Variants in GRID2 observed in about 807,000 individuals in gnomAD.
GRID2 encodes the protein glutamate receptor ionotropic, delta-2.
In GRID2, 33 loss-of-function variants were observed where a neutral mutation model predicts 114.8. The observed-to-expected ratio is 0.29, with a 90% CI of 0.22 to 0.38. The LOEUF (loss-of-function observed/expected upper bound fraction) is 0.38, where lower values mean the gene tolerates loss of function less well. GRID2 is among the 10% of genes least tolerant of loss of function. The probability of loss-of-function intolerance (pLI) is 1.00; values close to 1 mark genes in which losing one functional copy is unlikely to be tolerated. For synonymous variants in GRID2, 505 were observed against 449.9 expected (o/e 1.12, Z -1.55); for missense variants, 1,184 against 1,257.7 (o/e 0.94, Z 0.89).
chr4:92,628,203 G>T (rs528578177), intron 2 of GRID2, among the ~76,000 whole-genome samples: 4 of 152,086 alleles, frequency 2.6e-5, no homozygotes, highest in African/African-American at 9.7e-5. Context: ...AGCAGGAGAA[G>T]GTGCCTGTTT....
rs571735466 is a variant in GRID2 at position 92,543,705 on chromosome 4, C to A, written c.89-46426C>A. Among the ~76,000 whole-genome samples the A allele has an allele frequency of 8.5e-5, 13 of 152,220 alleles. No individual in the cohort carries two copies. The South Asian group carries it at 1.2e-3, about 15-fold the overall frequency. ...GGTGAATTAGCACAAAAAAGTAATT[C>A]TTTCCCTAATATTTTTAGTGCAGGT... On this transcript the variant is annotated intron_variant, in intron 1 of 15. Coordinates refer to ENST00000282020, the MANE Select transcript of GRID2 (RefSeq NM_001510.4).
intron 4 of GRID2, among the ~76,000 whole-genome samples, chr4:93,197,281 A>T (rs547634093): frequency 3.3e-5 from 5 of 152,290 alleles, no homozygotes; most frequent in Admixed American, 6.5e-5. Flanking sequence ...TTTGTAGAAC[A>T]TATCTTTACT....
intron 14 of GRID2, among the ~76,000 whole-genome samples, chr4:93,714,342 G>A (rs535811388): frequency 3.1e-4 from 47 of 152,102 alleles, no homozygotes; most frequent in Non-Finnish European, 4.1e-4. Context: ...GTCTATCATC[G>A]ATGGACATTT....
chr4:92,632,690 A>G (rs538140633), intron 2 of GRID2, among the ~76,000 whole-genome samples: 6 of 150,510 alleles, frequency 4.0e-5, no homozygotes, highest in South Asian at 4.2e-4. Flanking sequence ...GGAAGGGAAG[A>G]AGTGAAGAAA....
rs1726321526 is a variant in GRID2 at position 92,321,648 on chromosome 4, A to G, written c.88+16904A>G. ...TGCTCCAATGGGAAGGAAGGGTCTC[A>G]GCATCTTTTTCTTGCTCCCAGGCAG... On this transcript the variant is annotated intron_variant, in intron 1 of 15. Coordinates refer to ENST00000282020, the MANE Select transcript of GRID2 (RefSeq NM_001510.4). Among the ~76,000 whole-genome samples the G allele has an allele frequency of 5.9e-5, 9 of 152,204 alleles. No individual in the cohort carries two copies. In the South Asian group the frequency reaches 1.9e-3, roughly 32 times the overall value.
intron 2 of GRID2, among the ~76,000 whole-genome samples, chr4:93,074,784 A>G (rs1391020436): frequency 4.6e-5 from 7 of 152,190 alleles, no homozygotes; most frequent in Admixed American, 2.6e-4. Flanking sequence ...CATATAAATT[A>G]TCAGTATCGT....
At chr4:93,544,826 G>A (rs1227784590) in intron 13 of GRID2, among the ~76,000 whole-genome samples, 6 of 151,320 alleles carry the variant, frequency 4.0e-5, no homozygotes. Context: ...AATAGATTAA[G>A]AAAGACTTAG....
chr4:92,316,060 G>A (rs1233378720), intron 1 of GRID2, among the ~76,000 whole-genome samples: 2 of 148,178 alleles, frequency 1.3e-5, no homozygotes, highest in East Asian at 4.0e-4. Flanking sequence ...CATTTAAAGC[G>A]AATTAAAATC....
chr4:92,479,730 C>A (rs1722489815), intron 1 of GRID2, among the ~76,000 whole-genome samples: 1 of 152,086 alleles, frequency 6.6e-6, no homozygotes, highest in Non-Finnish European at 1.5e-5. Context: ...TCAATAGGAA[C>A]AAACTACGTT....
Position 93,051,718 on chromosome 4 carries a change from T to A in GRID2, c.245-33277T>A, listed in dbSNP as rs144242688. 3.0e-3 allele frequency among the ~76,000 whole-genome samples: 461 copies of A among 152,126 alleles called. 3 individuals are homozygous for A. Among genetic ancestry groups the A allele is most frequent in the Non-Finnish European group, 4.5e-3 (304 of 67,950 alleles). On this transcript the variant is annotated intron_variant, in intron 2 of 15. Coordinates refer to ENST00000282020, the MANE Select transcript of GRID2 (RefSeq NM_001510.4). ...TGGGGTTGGGAAGAAGATCACTAAT[T>A]GATTGAAGTTAGCATATAGAAATAC... is the stretch of plus-strand genomic sequence containing the variant.
At chr4:93,779,384 C>T (rs1455196093), downstream of GRID2, among the ~76,000 whole-genome samples, 2 of 152,100 alleles carry the variant, frequency 1.3e-5, no homozygotes, top group Non-Finnish European at 2.9e-5. Flanking sequence ...TGTACCAAGG[C>T]AAGTGCCTGG....
intron 12 of GRID2, among the ~76,000 whole-genome samples, chr4:93,501,497 T>C (rs1337970305): frequency 6.6e-6 from 1 of 152,036 alleles, no homozygotes; most frequent in Non-Finnish European, 1.5e-5. Context: ...TTACTCTCTA[T>C]TGTTAGTGTT....
At chr4:92,841,797 T>A (rs918661736) in intron 2 of GRID2, among the ~76,000 whole-genome samples, 4 of 152,060 alleles carry the variant, frequency 2.6e-5, no homozygotes, top group African/African-American at 9.7e-5. Flanking sequence ...TAGCTTAATT[T>A]TTTTTTTCCT....
chr4:92,967,721 C>G (rs1753249792), intron 2 of GRID2, among the ~76,000 whole-genome samples: 1 of 151,792 alleles, frequency 6.6e-6, no homozygotes, highest in Non-Finnish European at 1.5e-5. Context: ...AGTTAATTAT[C>G]TTTGTTGAGT....
intron 2 of GRID2, among the ~76,000 whole-genome samples, chr4:92,720,176 T>C (rs971758403): frequency 2.0e-5 from 3 of 152,064 alleles, no homozygotes; most frequent in African/African-American, 7.2e-5. Flanking sequence ...TTCAGCATTT[T>C]TTTTAAGAAC....
intron 14 of GRID2, among the ~76,000 whole-genome samples, chr4:93,654,004 T>TAG (rs1015942324): frequency 1.4e-4 from 22 of 152,300 alleles, no homozygotes; most frequent in Middle Eastern, 3.4e-3. Context: ...TTTTCAACAA[T>TAG]AAAGATAGAT....
intron 2 of GRID2, among the ~76,000 whole-genome samples, chr4:92,843,571 A>G (rs1743072505): frequency 6.6e-6 from 1 of 152,150 alleles, no homozygotes; most frequent in African/African-American, 2.4e-5. Flanking sequence ...ATTTTTCAAA[A>G]TAAATACAAT....
chr4:93,337,324 C>T (rs1335790164), intron 8 of GRID2, among the ~76,000 whole-genome samples: 1 of 152,154 alleles, frequency 6.6e-6, no homozygotes, highest in Non-Finnish European at 1.5e-5. Flanking sequence ...AGATTCCTGT[C>T]TAAGGAAGTG....
In GRID2 at chr4:92,339,315, T is replaced by C. The variant is rs78316704; in HGVS notation, c.88+34571T>C. 7.0e-3 allele frequency among the ~76,000 whole-genome samples: 1,060 copies of C among 152,168 alleles called. 10 individuals carry two copies. Among genetic ancestry groups the C allele is most frequent in the Middle Eastern group, 0.045 (13 of 292 alleles). On this transcript the variant is annotated intron_variant, in intron 1 of 15. Coordinates refer to ENST00000282020, the MANE Select transcript of GRID2 (RefSeq NM_001510.4). ...TTTATATACAGAAATAAGGGGAAAA[T>C]ATTTTTAAAAAGAGGTTGAGAGAGC...
Sources: allele counts gnomAD v4.1 joint callset (sites outside exome capture counted in the v4.1 genomes callset), GRCh38; gene constraint gnomAD v4.1.1; transcripts MANE v1.5; gene names NCBI Gene and HGNC (gene_info 2026-07-23, HGNC 2026-07-21).